The following CLSTN2 variants were observed in gnomAD, a reference collection of about 807,000 sequenced individuals.
CLSTN2 encodes calsyntenin-2.
Under a neutral mutation model 101.2 loss-of-function variants are expected in CLSTN2, and 48 were observed. That is an observed-to-expected ratio of 0.47 (90% CI 0.38 to 0.60). The LOEUF is 0.60. CLSTN2 is among the 20% of genes least tolerant of loss of function. CLSTN2 has a pLI of 0.00. For missense variants in CLSTN2, 1,160 were observed against 1,238.2 expected, an observed-to-expected ratio of 0.94 and a Z score of 0.95; for synonymous variants, 481 against 463.6, an observed-to-expected ratio of 1.04 and a Z score of -0.48.
At chr3:140,075,029 A>G (rs904335739) in intron 1 of CLSTN2, among the ~76,000 whole-genome samples, 2 of 152,204 alleles carry the variant, frequency 1.3e-5, no homozygotes, top group African/African-American at 4.8e-5. Flanking sequence ...GGAAGCACCA[A>G]TAATACCCAG....
Position 140,566,802 on chromosome 3 carries a change from T to TTCTCTCTCTCTC in CLSTN2, c.*559_*570dup, listed in dbSNP as rs10662926. On this transcript the variant is annotated 3_prime_UTR_variant, in exon 17 of 17. Coordinates refer to ENST00000458420, the MANE Select transcript of CLSTN2 (RefSeq NM_022131.3). ...AAGTTTACAGGGAAAGGTACACACA[T>TTCTCTCTCTCTC]TCTCTCTCTCTCTCTCTCTCTGTCT... 5 of 151,736 alleles carry TTCTCTCTCTCTC rather than the reference T, an allele frequency of 3.3e-5. No individual in the cohort carries two copies. Among genetic ancestry groups the TTCTCTCTCTCTC allele is most frequent in the African/African-American group, 9.8e-5 (4 of 40,980 alleles). 9.4% of individuals were successfully genotyped at this position (151,736 alleles called of 1,614,324 possible).
chr3:140,215,609 G>A (rs999904439), intron 2 of CLSTN2, among the ~76,000 whole-genome samples: 3 of 152,148 alleles, frequency 2.0e-5, no homozygotes, highest in Non-Finnish European at 2.9e-5. Flanking sequence ...ACAATGCCAG[G>A]CATACAGTAA....
At chr3:139,959,851 A>T (rs1176134095) in intron 1 of CLSTN2, among the ~76,000 whole-genome samples, 1 of 151,982 alleles carries the variant, frequency 6.6e-6, no homozygotes, top group Non-Finnish European at 1.5e-5. Flanking sequence ...CTATCCACAA[A>T]CCACATTCTT....
chr3:140,089,628 T>TTTG (rs1560091243), intron 1 of CLSTN2, among the ~76,000 whole-genome samples: 25 of 143,374 alleles, frequency 1.7e-4, no homozygotes, highest in African/African-American at 5.7e-4. Flanking sequence ...TTATTTATTT[T>TTTG]TGAGACTGGG....
At chr3:140,338,073 C>T (rs928053430) in intron 2 of CLSTN2, among the ~76,000 whole-genome samples, 1 of 152,048 alleles carries the variant, frequency 6.6e-6, no homozygotes, top group Non-Finnish European at 1.5e-5. Flanking sequence ...GGCTTTTTCC[C>T]TCAGAGTATA....
At position 140,305,227 on chromosome 3, in the gene CLSTN2, A is replaced by G. The variant is rs200464860; in HGVS notation, c.233-98402A>G. ...ACAAGACAGGGCCAGAAAGGGCTCC[A>G]TTTGTATATTATTATTTATCTAATA... is the stretch of plus-strand genomic sequence containing the variant. On this transcript the variant is annotated intron_variant, in intron 2 of 16. Coordinates refer to ENST00000458420, the MANE Select transcript of CLSTN2 (RefSeq NM_022131.3). Among the ~76,000 whole-genome samples the G allele has an allele frequency of 5.1e-4, 78 of 152,080 alleles. No individual in the cohort carries two copies. The East Asian group carries it at 9.1e-3, about 18-fold the overall frequency.
At chr3:140,436,087 T>C (rs974181726) in intron 5 of CLSTN2, among the ~76,000 whole-genome samples, 5 of 152,196 alleles carry the variant, frequency 3.3e-5, no homozygotes, top group African/African-American at 1.2e-4. Context: ...TGTGATCCCA[T>C]TTGTCCATGT....
At chr3:140,511,759 A>T (rs139258602) in intron 8 of CLSTN2, among the ~76,000 whole-genome samples, 1 of 150,712 alleles carries the variant, frequency 6.6e-6, no homozygotes, top group African/African-American at 2.4e-5. Flanking sequence ...GGGTTTCACA[A>T]TGTTAGCCAG....
intron 1 of CLSTN2, among the ~76,000 whole-genome samples, chr3:139,968,251 G>A (rs2107817715): frequency 6.6e-6 from 1 of 152,260 alleles, no homozygotes; most frequent in African/African-American, 2.4e-5. Context: ...TTGGAACAGT[G>A]CAATACTTGT....
At chr3:140,260,874 T>C (rs2086644983) in intron 2 of CLSTN2, among the ~76,000 whole-genome samples, 1 of 152,154 alleles carries the variant, frequency 6.6e-6, no homozygotes, top group African/African-American at 2.4e-5. Context: ...GTCAGGTGTT[T>C]TGTAGGGTGT....
chr3:140,079,347 G>A (rs1236360447), intron 1 of CLSTN2, among the ~76,000 whole-genome samples: 1 of 152,160 alleles, frequency 6.6e-6, no homozygotes, highest in African/African-American at 2.4e-5. Flanking sequence ...ATTTTCAGGA[G>A]AGAGCATAAA....
At chr3:140,187,670 T>G (rs2010502595) in intron 2 of CLSTN2, among the ~76,000 whole-genome samples, 1 of 152,178 alleles carries the variant, frequency 6.6e-6, no homozygotes, top group African/African-American at 2.4e-5. Flanking sequence ...CTCAATTGTT[T>G]CTCATGTGTA....
At chr3:140,450,123 C>T (rs1415351504) in intron 6 of CLSTN2, 1 of 152,198 alleles carries the variant, frequency 6.6e-6, no homozygotes, top group African/African-American at 2.4e-5. Context: ...ACATGCATTA[C>T]TTTATTTAGT....
In CLSTN2 at chr3:140,356,989, C is replaced by T. The variant is rs140702489; in HGVS notation, c.233-46640C>T. Among the ~76,000 whole-genome samples the T allele has an allele frequency of 4.6e-4, 70 of 152,196 alleles. No individual in the cohort carries two copies. In the Middle Eastern group the frequency reaches 0.01, roughly 22 times the overall value. ...TTACAGGTGAAGAAACCGAGGCTGA[C>T]AGAAGAAAGCAGCCCTGGGCCACAG... On this transcript the variant is annotated intron_variant, in intron 2 of 16. Transcript: ENST00000458420.
At chr3:140,451,420 A>C (rs1471920495) in intron 6 of CLSTN2, among the ~76,000 whole-genome samples, 10 of 152,148 alleles carry the variant, frequency 6.6e-5, no homozygotes, top group Non-Finnish European at 1.5e-4. Context: ...GTGTGGACTT[A>C]TTTGGAGTTG....
intron 1 of CLSTN2, among the ~76,000 whole-genome samples, chr3:140,161,414 T>G (rs16849992): frequency 0.033 from 5,010 of 152,224 alleles, 283 homozygotes; most frequent in African/African-American, 0.12. Flanking sequence ...TTCAGACAAT[T>G]ATTCTCCTGA....
intron 2 of CLSTN2, among the ~76,000 whole-genome samples, chr3:140,191,803 G>A (rs1405486437): frequency 6.6e-6 from 1 of 151,768 alleles, no homozygotes; most frequent in Non-Finnish European, 1.5e-5. Flanking sequence ...GGTTTATCAA[G>A]TTTATAAATC....
intron 1 of CLSTN2, among the ~76,000 whole-genome samples, chr3:140,030,154 A>G (rs1007866): frequency 8.5e-5 from 13 of 152,274 alleles, no homozygotes; most frequent in Admixed American, 7.8e-4. Flanking sequence ...AGAAAAAATT[A>G]CTGTTTCCTG....
At chr3:140,176,142 C>A in intron 2 of CLSTN2, 69 bp downstream of exon 2, 1 of 1,573,248 alleles carries the variant, frequency 6.4e-7, no homozygotes, top group Admixed American at 1.7e-5. Flanking sequence ...CTCCACAAAG[C>A]CCAGAATATG....
Sources: gnomAD v4.1 joint callset for allele counts (sites outside exome capture counted in the v4.1 genomes callset) on GRCh38, gnomAD v4.1.1 for gene constraint, MANE v1.5 for transcripts, NCBI Gene and HGNC (gene_info 2026-07-23, HGNC 2026-07-21) for gene names.